The following ZNF362 variants were observed in gnomAD, a reference collection of about 807,000 sequenced individuals.
The protein encoded by ZNF362 is zinc finger protein 362.
In ZNF362, 11 loss-of-function variants were observed where a neutral mutation model predicts 42.9. The observed-to-expected ratio is 0.26, with a 90% CI of 0.16 to 0.42. The LOEUF (loss-of-function observed/expected upper bound fraction) is 0.42. Among genes scored for constraint, ZNF362 ranks in the 20% least tolerant of loss-of-function variants. ZNF362 has a pLI of 1.00. For missense variants in ZNF362, 362 were observed against 576.2 expected, an observed-to-expected ratio of 0.63 and a Z score of 3.81; for synonymous variants, 255 against 257.3, an observed-to-expected ratio of 0.99 and a Z score of 0.09.
the ZNF362 span, among the ~76,000 whole-genome samples, chr1:33,157,428 C>T: frequency 2.6e-5 from 4 of 152,160 alleles, no homozygotes; most frequent in African/African-American, 4.8e-5. Flanking sequence ...CTTCTCAGTG[C>T]GGGCTGGTTC....
At chr1:33,260,772 T>C (rs1570379875) in intron 1 of ZNF362, among the ~76,000 whole-genome samples, 3 of 152,188 alleles carry the variant, frequency 2.0e-5, no homozygotes, top group Admixed American at 6.5e-5. Flanking sequence ...GGCTGTCTTC[T>C]CCTTCCTCCC....
the ZNF362 span, among the ~76,000 whole-genome samples, chr1:33,202,963 C>T: frequency 4.6e-5 from 7 of 152,262 alleles, no homozygotes; most frequent in South Asian, 2.1e-4. Flanking sequence ...TCCATCATCT[C>T]AAATAGTTAC....
chr1:33,284,143 C>T (rs920768560), intron 6 of ZNF362, among the ~76,000 whole-genome samples: 5 of 152,180 alleles, frequency 3.3e-5, no homozygotes, highest in South Asian at 2.1e-4. Context: ...GGAGAATCTT[C>T]GTTTGTCAGT....
the ZNF362 span, among the ~76,000 whole-genome samples, chr1:33,235,133 ACTC>A: frequency 6.6e-6 from 1 of 151,028 alleles, no homozygotes; most frequent in East Asian, 1.9e-4. Flanking sequence ...ACACTTGGGA[ACTC>A]CTCACTTTAC....
At chr1:33,224,248 T>C in the ZNF362 span, among the ~76,000 whole-genome samples, 1 of 152,102 alleles carries the variant, frequency 6.6e-6, no homozygotes, top group Non-Finnish European at 1.5e-5. Context: ...AACTGGAAAC[T>C]ATAGAAATTA....
At chr1:33,152,917 ATGGGCTGCCT>A in the ZNF362 span, among the ~76,000 whole-genome samples, 1 of 152,046 alleles carries the variant, frequency 6.6e-6, no homozygotes, top group Admixed American at 6.6e-5. Flanking sequence ...CCTTGGGACA[ATGGGCTGCCT>A]GGCCTGGCTG....
the ZNF362 span, among the ~76,000 whole-genome samples, chr1:33,237,073 A>G: frequency 2.0e-5 from 3 of 152,322 alleles, no homozygotes; most frequent in Non-Finnish European, 4.4e-5. Context: ...CTGTCTCAAA[A>G]AAAACTCCAC....
chr1:33,134,969 T>C, the ZNF362 span, among the ~76,000 whole-genome samples: 1 of 152,162 alleles, frequency 6.6e-6, no homozygotes, highest in African/African-American at 2.4e-5. Flanking sequence ...CACATAAATA[T>C]GACCACCCTC....
the ZNF362 span, among the ~76,000 whole-genome samples, chr1:33,212,159 A>G: frequency 6.6e-6 from 1 of 152,138 alleles, no homozygotes; most frequent in African/African-American, 2.4e-5. Flanking sequence ...TGCTTCAACC[A>G]TGTAAGACAT....
At chr1:33,172,914 TCA>T in the ZNF362 span, among the ~76,000 whole-genome samples, 46 of 152,238 alleles carry the variant, frequency 3.0e-4, no homozygotes, top group Admixed American at 3.3e-4. Context: ...CCGCAAGCTT[TCA>T]CAGTGTTGTG....
chr1:33,203,765 T>A, the ZNF362 span, among the ~76,000 whole-genome samples: 8 of 152,254 alleles, frequency 5.3e-5, no homozygotes, highest in Non-Finnish European at 2.9e-5. Flanking sequence ...CATTTTAATG[T>A]CTTCTTTGAA....
At chr1:33,256,930 G>A (rs1456714939) in intron 1 of ZNF362, among the ~76,000 whole-genome samples, 1 of 151,284 alleles carries the variant, frequency 6.6e-6, no homozygotes, top group Non-Finnish European at 1.5e-5. Flanking sequence ...GTGTGTGCGC[G>A]CGCGTGTGTG....
the ZNF362 span, among the ~76,000 whole-genome samples, chr1:33,139,173 C>G: frequency 2.6e-5 from 4 of 152,162 alleles, no homozygotes; most frequent in African/African-American, 9.7e-5. Flanking sequence ...CCTCTTTTCC[C>G]TGGCTCTCCC....
chr1:33,260,331 C>A (rs994746156), intron 1 of ZNF362, among the ~76,000 whole-genome samples: 14 of 152,224 alleles, frequency 9.2e-5, no homozygotes, highest in Non-Finnish European at 1.9e-4. Context: ...TTGCCACCTC[C>A]AGCCACACAC....
At chr1:33,232,291 G>A in the ZNF362 span, among the ~76,000 whole-genome samples, 1 of 151,798 alleles carries the variant, frequency 6.6e-6, no homozygotes, top group Non-Finnish European at 1.5e-5. Context: ...CTGAGACAGG[G>A]TCTCACTCTG....
the ZNF362 span, among the ~76,000 whole-genome samples, chr1:33,217,329 C>T: frequency 2.0e-5 from 3 of 152,192 alleles, no homozygotes; most frequent in Admixed American, 2.0e-4. Context: ...AGCACTAGCT[C>T]ACTGTGTAAC....
chr1:33,157,390 C>T, the ZNF362 span, among the ~76,000 whole-genome samples: 1 of 152,174 alleles, frequency 6.6e-6, no homozygotes, highest in South Asian at 2.1e-4. Context: ...GTGGCTCACT[C>T]TTCTTCAGCC....
the ZNF362 span, among the ~76,000 whole-genome samples, chr1:33,208,839 T>C: frequency 6.6e-6 from 1 of 152,192 alleles, no homozygotes; most frequent in East Asian, 1.9e-4. Context: ...TGATGGGGTT[T>C]TCTAAATATA....
chr1:33,224,561 A>G, the ZNF362 span, among the ~76,000 whole-genome samples: 1 of 152,256 alleles, frequency 6.6e-6, no homozygotes, highest in African/African-American at 2.4e-5. Context: ...TGTAAGAGAC[A>G]TGTGAAACAC....
Sources: gnomAD v4.1 joint callset for allele counts (sites outside exome capture counted in the v4.1 genomes callset) on GRCh38, gnomAD v4.1.1 for gene constraint, MANE v1.5 for transcripts, NCBI Gene and HGNC (gene_info 2026-07-23, HGNC 2026-07-21) for gene names.